The following QTGAL variants were observed in gnomAD, a reference collection of about 807,000 sequenced individuals.
QTGAL encodes BGnT-like protein 1.
At chr17:82,962,094 C>T in the QTGAL span, among the ~76,000 whole-genome samples, 1 of 152,204 alleles carries the variant, frequency 6.6e-6, no homozygotes, top group African/African-American at 2.4e-5. Flanking sequence ...TTTCTGAGAG[C>T]CTAGCAGCAG....
chr17:83,040,099 TC>T, the QTGAL span, among the ~76,000 whole-genome samples: 1 of 152,194 alleles, frequency 6.6e-6, no homozygotes, highest in Non-Finnish European at 1.5e-5. Flanking sequence ...AAGCAGTGGC[TC>T]CTGATCCTGG....
the QTGAL span, among the ~76,000 whole-genome samples, chr17:82,974,137 T>C: frequency 6.6e-6 from 1 of 152,212 alleles, no homozygotes; most frequent in East Asian, 1.9e-4. Context: ...TCTGAGCCGG[T>C]TCCAGGCTGT....
At chr17:83,042,106 C>A in the QTGAL span, among the ~76,000 whole-genome samples, 1 of 152,230 alleles carries the variant, frequency 6.6e-6, no homozygotes, top group African/African-American at 2.4e-5. Context: ...GTGGCTCATG[C>A]CTATAATCCC....
chr17:82,992,265 C>A, the QTGAL span, among the ~76,000 whole-genome samples: 3 of 152,060 alleles, frequency 2.0e-5, no homozygotes, highest in African/African-American at 7.2e-5. Flanking sequence ...TAATCAAACT[C>A]CTGAAGGTCA....
chr17:83,005,051 T>C, the QTGAL span: 8 of 1,355,526 alleles, frequency 5.9e-6, no homozygotes, highest in Non-Finnish European at 8.2e-6. The surrounding 1 kb of genome is among the most constrained non-coding windows in gnomAD (Gnocchi z 5.6). Context: ...CACAGCATAA[T>C]GCATGAGATG....
the QTGAL span, among the ~76,000 whole-genome samples, chr17:83,013,710 G>C: frequency 0.016 from 2,360 of 152,174 alleles, 64 homozygotes; most frequent in African/African-American, 0.054. Flanking sequence ...AGCCCCGCGG[G>C]GGGAGGGCAG....
the QTGAL span, among the ~76,000 whole-genome samples, chr17:83,020,242 CAGAA>C: frequency 6.6e-6 from 1 of 151,912 alleles, no homozygotes; most frequent in African/African-American, 2.4e-5. Flanking sequence ...AAGAGGGTCC[CAGAA>C]AGAGAGAGAG....
chr17:82,997,788 A>G, the QTGAL span, among the ~76,000 whole-genome samples: 1 of 152,144 alleles, frequency 6.6e-6, no homozygotes, highest in Non-Finnish European at 1.5e-5. Context: ...CAAACTTCAC[A>G]TGTTCTCGCT....
the QTGAL span, among the ~76,000 whole-genome samples, chr17:83,035,380 G>T: frequency 6.6e-6 from 1 of 152,004 alleles, no homozygotes; most frequent in African/African-American, 2.4e-5. Context: ...TGTTGGTCAG[G>T]CTGGTCTCGA....
At chr17:82,996,327 G>C in the QTGAL span, among the ~76,000 whole-genome samples, 1 of 152,010 alleles carries the variant, frequency 6.6e-6, no homozygotes, top group Non-Finnish European at 1.5e-5. Flanking sequence ...TTTGAGACCA[G>C]CCCTGGCCAA....
the QTGAL span, among the ~76,000 whole-genome samples, chr17:83,030,103 G>C: frequency 6.6e-6 from 1 of 152,160 alleles, no homozygotes; most frequent in Non-Finnish European, 1.5e-5. Flanking sequence ...ACCAAGGGTC[G>C]TGATTAATTT....
At chr17:83,011,490 C>T in the QTGAL span, 1 of 152,342 alleles carries the variant, frequency 6.6e-6, no homozygotes, top group South Asian at 2.1e-4. Context: ...ATTCACGTAA[C>T]CACGAACCAG....
the QTGAL span, among the ~76,000 whole-genome samples, chr17:82,976,013 A>G: frequency 1.0e-5 from 1 of 96,014 alleles, no homozygotes; most frequent in Non-Finnish European, 2.0e-5. Flanking sequence ...GAGGCCACTT[A>G]TGGGGAACGA....
At chr17:83,051,750 A>T in the QTGAL span, 19 of 1,497,558 alleles carry the variant, frequency 1.3e-5, no homozygotes, top group Admixed American at 4.3e-5. Flanking sequence ...GTGGGCCTGC[A>T]TGGCCTGGCT....
At chr17:83,029,616 G>A in the QTGAL span, among the ~76,000 whole-genome samples, 27 of 152,128 alleles carry the variant, frequency 1.8e-4, no homozygotes, top group African/African-American at 6.3e-4. Flanking sequence ...AGTCAGGCTG[G>A]GGGGAGCCGG....
At chr17:83,027,701 A>C in the QTGAL span, among the ~76,000 whole-genome samples, 1 of 135,148 alleles carries the variant, frequency 7.4e-6, no homozygotes, top group African/African-American at 3.4e-5. Flanking sequence ...GACGCTCTCA[A>C]AAAAAAAAAA....
the QTGAL span, chr17:82,956,725 G>T: frequency 6.9e-6 from 11 of 1,590,312 alleles, no homozygotes; most frequent in Non-Finnish European, 6.0e-6. This position sits in a 1 kb window ranked among gnomAD's most constrained non-coding sequence, Gnocchi z 5.7. Context: ...AGGGTGGCCG[G>T]GCGGCTCGGA....
the QTGAL span, among the ~76,000 whole-genome samples, chr17:82,991,927 G>T: frequency 1.3e-5 from 2 of 152,142 alleles, no homozygotes; most frequent in Admixed American, 1.3e-4. Flanking sequence ...ACTAAAGAAT[G>T]AATCAGAACT....
At chr17:83,002,395 G>A in the QTGAL span, among the ~76,000 whole-genome samples, 1 of 152,182 alleles carries the variant, frequency 6.6e-6, no homozygotes, top group South Asian at 2.1e-4. Context: ...CGAGGTGCAC[G>A]TTACTTAGAA....
Sources: gnomAD v4.1 joint callset for allele counts (sites outside exome capture counted in the v4.1 genomes callset) on GRCh38, gnomAD v4.1.1 for gene constraint, Gnocchi (gnomAD v3.1) non-coding constraint, MANE v1.5 for transcripts, NCBI Gene and HGNC (gene_info 2026-07-23, HGNC 2026-07-21) for gene names.